CDH13: variants seen among roughly 807,000 people sequenced by gnomAD.
CDH13 encodes cadherin 13, also known as cadherin-13.
In CDH13, 24 loss-of-function variants were observed where a neutral mutation model predicts 63.8. That is an observed-to-expected ratio of 0.38 (90% confidence interval 0.27 to 0.53). The LOEUF is 0.53. Among genes scored for constraint, CDH13 ranks in the 20% least tolerant of loss-of-function variants. CDH13 has a pLI of 0.85. For missense variants in CDH13, 1,049 were observed against 903.1 expected, an observed-to-expected ratio of 1.16 and a Z score of -2.07; for synonymous variants, 503 against 355.3, an observed-to-expected ratio of 1.42 and a Z score of -4.67.
intron 9 of CDH13, among the ~76,000 whole-genome samples, chr16:83,676,846 A>C (rs911176775): frequency 6.6e-6 from 1 of 152,028 alleles, no homozygotes; most frequent in African/African-American, 2.4e-5. Context: ...GCCTAAAGAC[A>C]CTCTGACCCA....
intron 6 of CDH13, among the ~76,000 whole-genome samples, chr16:83,466,943 A>G (rs1055064693): frequency 2.0e-5 from 3 of 152,218 alleles, no homozygotes; most frequent in African/African-American, 7.2e-5. Context: ...GTACCCCACC[A>G]TCTAGACTGC....
intron 7 of CDH13, among the ~76,000 whole-genome samples, chr16:83,502,281 G>A (rs1057514160): frequency 3.3e-5 from 5 of 152,110 alleles, no homozygotes; most frequent in African/African-American, 1.2e-4. Flanking sequence ...GGGGGAGGTG[G>A]GAATGGCTGG....
intron 3 of CDH13, among the ~76,000 whole-genome samples, chr16:83,060,393 A>G (rs1242217485): frequency 6.6e-6 from 1 of 152,186 alleles, no homozygotes; most frequent in Non-Finnish European, 1.5e-5. Flanking sequence ...TGGATTATAA[A>G]TTGCAGGCCT....
Position 83,252,107 on chromosome 16 carries a change from T to TACACACACACACACACAC in CDH13, c.636+34616_636+34633dup, listed in dbSNP as rs149781230. On this transcript the variant is annotated intron_variant, in intron 5 of 13. Coordinates refer to ENST00000567109, the MANE Select transcript of CDH13 (RefSeq NM_001257.5). The stretch of plus-strand genomic sequence containing the variant: ...TATGTATATATGTATATATATATTA[T>TACACACACACACACACAC]ACACACACACACACACACACACATA... Among the ~76,000 whole-genome samples, 802 of 135,936 alleles carry TACACACACACACACACAC rather than the reference T, an allele frequency of 5.9e-3. 12 individuals are homozygous for TACACACACACACACACAC. The highest frequency in any genetic ancestry group is 0.034 in the Middle Eastern group (9 of 266). 89.2% of individuals were successfully genotyped at this position (135,936 alleles called of 152,430 possible).
At position 83,334,358 on chromosome 16, in the gene CDH13, C is replaced by CTG. The variant is rs2090544510; in HGVS notation, c.637-10503_637-10502insGT. On this transcript the variant is annotated intron_variant, in intron 5 of 13. Transcript: ENST00000567109. ...CCTTTCTCCCTCTCTCTCTCTCTCT[C>CTG]TCTCACACACACACACACACACACA... Among the ~76,000 whole-genome samples, 3 of 62,662 alleles carry CTG rather than the reference C, an allele frequency of 4.8e-5. No individual in the cohort carries two copies. In the South Asian group the frequency reaches 2.2e-3, roughly 46 times the overall value. The allele number at this position is 62,662 out of a possible 152,430, so 41.1% of individuals were successfully genotyped here.
At chr16:82,906,652 G>A (rs1417562797) in intron 2 of CDH13, among the ~76,000 whole-genome samples, 1 of 152,078 alleles carries the variant, frequency 6.6e-6, no homozygotes, top group Non-Finnish European at 1.5e-5. Context: ...AACTCAAATG[G>A]CTTAAAACAA....
chr16:82,919,713 C>T (rs1296701141), intron 2 of CDH13, among the ~76,000 whole-genome samples: 1 of 152,158 alleles, frequency 6.6e-6, no homozygotes, highest in Non-Finnish European at 1.5e-5. Flanking sequence ...AAGGTAAGTT[C>T]TGGAAACTGG....
chr16:82,983,860 C>A (rs575177249), intron 2 of CDH13, among the ~76,000 whole-genome samples: 1 of 152,276 alleles, frequency 6.6e-6, no homozygotes, highest in Non-Finnish European at 1.5e-5. Flanking sequence ...GCTCATGGAC[C>A]TTTCAGCAGA....
chr16:82,929,792 G>A (rs1038216802), intron 2 of CDH13, among the ~76,000 whole-genome samples: 1 of 149,880 alleles, frequency 6.7e-6, no homozygotes, highest in Middle Eastern at 3.3e-3. Flanking sequence ...AATTTCTGCT[G>A]TTAAAAAGCC....
At chr16:82,846,493 T>G (rs2039262540) in intron 1 of CDH13, among the ~76,000 whole-genome samples, 1 of 152,212 alleles carries the variant, frequency 6.6e-6, no homozygotes, top group African/African-American at 2.4e-5. Context: ...GACACAATTA[T>G]TAGTTGTGTT....
chr16:83,417,322 G>A (rs1423760478), intron 6 of CDH13, among the ~76,000 whole-genome samples: 1 of 152,086 alleles, frequency 6.6e-6, no homozygotes, highest in Non-Finnish European at 1.5e-5. Flanking sequence ...CTTTCCCCAA[G>A]ATTACCATTA....
At position 83,460,818 on chromosome 16, in the gene CDH13, C is replaced by T. The variant is rs537616104; in HGVS notation, c.782-25659C>T. ...TCCAAGATCAGCCTGGGCAACATAG[C>T]GAGATGTTGTCTCTACAAATAATTA... On this transcript the variant is annotated intron_variant, in intron 6 of 13. Coordinates refer to ENST00000567109, the MANE Select transcript of CDH13 (RefSeq NM_001257.5). 1.8e-4 allele frequency among the ~76,000 whole-genome samples: 27 copies of T among 146,334 alleles called. No homozygotes were observed. The South Asian group carries it at 3.7e-3, about 20-fold the overall frequency.
intron 5 of CDH13, among the ~76,000 whole-genome samples, chr16:83,242,296 A>C (rs1904538478): frequency 6.6e-6 from 1 of 152,198 alleles, no homozygotes; most frequent in South Asian, 2.1e-4. Flanking sequence ...GCTCTCTTGA[A>C]CCAAAAGATG....
intron 4 of CDH13, among the ~76,000 whole-genome samples, chr16:83,193,157 A>C (rs2038775670): frequency 6.6e-6 from 1 of 151,858 alleles, no homozygotes; most frequent in African/African-American, 2.4e-5. Context: ...TATACTTGAA[A>C]AAAAAAAAAG....
intron 2 of CDH13, among the ~76,000 whole-genome samples, chr16:82,959,247 A>T (rs1906589660): frequency 6.6e-6 from 1 of 152,240 alleles, no homozygotes; most frequent in Non-Finnish European, 1.5e-5. Context: ...TAAAAAGATG[A>T]CAGACACAGG....
intron 8 of CDH13, among the ~76,000 whole-genome samples, chr16:83,617,651 C>T (rs1415526838): frequency 6.6e-6 from 1 of 151,290 alleles, no homozygotes; most frequent in African/African-American, 2.4e-5. Flanking sequence ...CTAATATGCA[C>T]ATATCCTAAT....
intron 2 of CDH13, among the ~76,000 whole-genome samples, chr16:83,026,572 AT>A (rs2151463910): frequency 6.6e-6 from 1 of 152,334 alleles, no homozygotes; most frequent in Admixed American, 6.5e-5. Context: ...TATATCTGTG[AT>A]ATTAAAATTT....
intron 7 of CDH13, among the ~76,000 whole-genome samples, chr16:83,578,851 A>G (rs911075290): frequency 6.6e-6 from 1 of 152,212 alleles, no homozygotes; most frequent in Admixed American, 6.5e-5. Context: ...GCTCACAACA[A>G]TGCGGTGAGG....
intron 6 of CDH13, among the ~76,000 whole-genome samples, chr16:83,419,914 C>CT (rs59585439): frequency 0.24 from 29,563 of 122,542 alleles, 3,074 homozygotes; most frequent in East Asian, 0.42. Context: ...ATCGTCCAAT[C>CT]TTTTTTTTTT....
Sources: gnomAD v4.1 joint callset for allele counts (sites outside exome capture counted in the v4.1 genomes callset) on GRCh38, gnomAD v4.1.1 for gene constraint, MANE v1.5 for transcripts, NCBI Gene and HGNC (gene_info 2026-07-23, HGNC 2026-07-21) for gene names.